MTMR2: variants seen among roughly 807,000 people sequenced by gnomAD.
The protein encoded by MTMR2 is myotubularin related protein 2.
In MTMR2, 55 loss-of-function variants were observed where a neutral mutation model predicts 86.9. That is an observed-to-expected ratio of 0.63 (90% CI 0.51 to 0.79). MTMR2 has a LOEUF of 0.79. MTMR2 is among the 30% of genes least tolerant of loss of function. The probability of loss-of-function intolerance (pLI) is 0.00; values close to 1 mark genes in which losing one functional copy is unlikely to be tolerated. For synonymous variants in MTMR2, 241 were observed against 266.8 expected (o/e 0.90, Z 0.94); for missense variants, 659 against 772.3 (o/e 0.85, Z 1.74).
intron 2 of MTMR2, among the ~76,000 whole-genome samples, chr11:95,881,983 T>C (rs960824468): frequency 6.6e-6 from 1 of 152,170 alleles, no homozygotes; most frequent in African/African-American, 2.4e-5. Context: ...AGGTTGATTT[T>C]TTTCAATTCC....
Position 95,833,375 on chromosome 11 carries a change from C to T in MTMR2, c.*1915G>A, listed in dbSNP as rs984744425. ...ACATACAAAGTTATGAAACATGTAA[C>T]TGTCAATTCAAATATTTAAAAGTTT... On this transcript the variant is annotated 3_prime_UTR_variant, in exon 15 of 15. Coordinates refer to ENST00000346299, the MANE Select transcript of MTMR2 (RefSeq NM_016156.6). 2 of 152,060 alleles carry T rather than the reference C, an allele frequency of 1.3e-5. No individual in the cohort carries two copies. The highest frequency in any genetic ancestry group is 4.8e-5 in the African/African-American group (2 of 41,416). 9.4% of individuals were successfully genotyped at this position (152,060 alleles called of 1,614,324 possible). A position where few individuals can be genotyped will look rare whatever the true frequency, so the allele number is the denominator to read the frequency against.
intron 2 of MTMR2, 128 bp downstream of exon 2, chr11:95,888,028 T>C (rs953092036): frequency 6.3e-5 from 46 of 728,700 alleles, no homozygotes; most frequent in Non-Finnish European, 9.9e-5. Context: ...TATTCTGGGA[T>C]ATTTTGTAGA....
intron 2 of MTMR2, among the ~76,000 whole-genome samples, chr11:95,886,519 C>G (rs1482672918): frequency 1.3e-5 from 2 of 152,226 alleles, no homozygotes; most frequent in East Asian, 3.9e-4. Context: ...AATCCTCCTT[C>G]ATCTATCCAT....
intron 2 of MTMR2, among the ~76,000 whole-genome samples, chr11:95,868,292 A>C (rs1377037099): frequency 7.6e-6 from 1 of 131,640 alleles, no homozygotes; most frequent in African/African-American, 2.5e-5. Context: ...AAAAAAAAAA[A>C]AAAAAAAAAG....
chr11:95,855,794 A>G (rs1484992467), intron 7 of MTMR2, among the ~76,000 whole-genome samples: 2 of 152,176 alleles, frequency 1.3e-5, no homozygotes, highest in Non-Finnish European at 1.5e-5. Context: ...CGTGGTATCT[A>G]TCACCAAGTA....
At chr11:95,905,337 A>ATG (rs1866224988) in intron 1 of MTMR2, among the ~76,000 whole-genome samples, 6 of 127,688 alleles carry the variant, frequency 4.7e-5, no homozygotes, top group South Asian at 2.6e-4. Context: ...CTGCGCACAC[A>ATG]CACACACACA....
At chr11:95,869,723 G>T (rs1197942487) in intron 2 of MTMR2, among the ~76,000 whole-genome samples, 1 of 152,134 alleles carries the variant, frequency 6.6e-6, no homozygotes, top group Non-Finnish European at 1.5e-5. Context: ...AGAGAATAAA[G>T]GAGATGGCTT....
At chr11:95,917,185 T>G (rs760303271) in intron 1 of MTMR2, among the ~76,000 whole-genome samples, 9 of 152,200 alleles carry the variant, frequency 5.9e-5, no homozygotes, top group Non-Finnish European at 1.3e-4. Flanking sequence ...CCGATTTAAC[T>G]AAATCAAACA....
chr11:95,890,722 C>T (rs746938452), intron 1 of MTMR2, among the ~76,000 whole-genome samples: 1 of 152,174 alleles, frequency 6.6e-6, no homozygotes, highest in Non-Finnish European at 1.5e-5. Flanking sequence ...GCCAACAACT[C>T]TCTACCTCTG....
chr11:95,921,161 G>A (rs1271625871), intron 1 of MTMR2, among the ~76,000 whole-genome samples: 2 of 152,110 alleles, frequency 1.3e-5, no homozygotes, highest in Non-Finnish European at 2.9e-5. Flanking sequence ...TAACAAACAA[G>A]GAGCATACAT....
At chr11:95,913,189 T>A (rs1177545312) in intron 1 of MTMR2, 2 of 152,050 alleles carry the variant, frequency 1.3e-5, no homozygotes, top group Non-Finnish European at 2.9e-5. Flanking sequence ...ATCTTATACA[T>A]CCTATAAGCA....
chr11:95,896,602 A>C (rs140862400), intron 1 of MTMR2, among the ~76,000 whole-genome samples: 1 of 152,098 alleles, frequency 6.6e-6, no homozygotes, highest in African/African-American at 2.4e-5. Flanking sequence ...CACTCAGGAA[A>C]TATTTGTTAA....
intron 2 of MTMR2, among the ~76,000 whole-genome samples, chr11:95,881,161 G>A (rs887166142): frequency 6.6e-6 from 1 of 151,348 alleles, no homozygotes; most frequent in Non-Finnish European, 1.5e-5. Flanking sequence ...ACCTAGCATT[G>A]ATTACCAAAT....
chr11:95,902,193 C>T (rs545127259), intron 1 of MTMR2, among the ~76,000 whole-genome samples: 7 of 152,192 alleles, frequency 4.6e-5, no homozygotes, highest in South Asian at 2.1e-4. Context: ...TGTAAAATGG[C>T]GATGGTATAT....
chr11:95,914,380 A>G (rs1866623102), intron 1 of MTMR2: 2 of 985,066 alleles, frequency 2.0e-6, no homozygotes, highest in Non-Finnish European at 2.4e-6. Context: ...ATTCTAAATC[A>G]TTGTGCAAAG....
At chr11:95,841,548 C>G in intron 12 of MTMR2, 69 bp downstream of exon 12, 1 of 1,143,170 alleles carries the variant, frequency 8.7e-7, no homozygotes, top group East Asian at 2.3e-5. Context: ...TAATCAGTGA[C>G]CAAATCTCCC....
chr11:95,835,279 C>T lies in MTMR2; in HGVS notation c.*11G>A, dbSNP rs764487267. The T allele has an allele frequency of 5.0e-6, 8 of 1,612,364 alleles. No homozygotes were observed. The South Asian group carries it at 8.8e-5, about 18-fold the overall frequency. On this transcript the variant is annotated 3_prime_UTR_variant, in exon 15 of 15. Coordinates refer to ENST00000346299, the MANE Select transcript of MTMR2 (RefSeq NM_016156.6). Reference sequence around the variant, plus strand: ...AGTGTATAGCAATGATGCCCCTGATCTTACAGTCCTTTATACAACAGTTTG... The same window carrying T: ...AGTGTATAGCAATGATGCCCCTGATTTTACAGTCCTTTATACAACAGTTTG...
Position 95,924,103 on chromosome 11 carries a change from A to G in MTMR2, c.-149T>C. The G allele has an allele frequency of 2.5e-5, 24 of 972,436 alleles. No homozygotes were observed. Among genetic ancestry groups the G allele is most frequent in the Admixed American group, 4.3e-5 (2 of 46,812 alleles). 60.2% of individuals were successfully genotyped at this position (972,436 alleles called of 1,614,324 possible). On this transcript the variant is annotated 5_prime_UTR_variant, in exon 1 of 15. Coordinates refer to ENST00000346299, the MANE Select transcript of MTMR2 (RefSeq NM_016156.6). ...ACCGGAAGCGGCCATGTTCCCCCAG[A>G]GTGCACCGCGCCTGTAGGCTGCTGG...
At chr11:95,877,363 T>TTA (rs869076328) in intron 2 of MTMR2, among the ~76,000 whole-genome samples, 5 of 142,628 alleles carry the variant, frequency 3.5e-5, no homozygotes, top group Non-Finnish European at 6.1e-5. Context: ...TTTTTTTTTT[T>TTA]ATATAACACA....
Sources: allele counts gnomAD v4.1 joint callset (sites outside exome capture counted in the v4.1 genomes callset), GRCh38; gene constraint gnomAD v4.1.1; transcripts MANE v1.5; gene names NCBI Gene and HGNC (gene_info 2026-07-23, HGNC 2026-07-21).